TRPM1: variants seen among roughly 807,000 people sequenced by gnomAD.
TRPM1 encodes the protein transient receptor potential cation channel subfamily M member 1.
Under a neutral mutation model 149.4 loss-of-function variants are expected in TRPM1, and 113 were observed. That is an observed-to-expected ratio of 0.76 (90% CI 0.65 to 0.88). TRPM1 has a LOEUF of 0.88. Ranked by LOEUF, TRPM1 falls within the 40% of genes least tolerant of loss-of-function variation. The pLI is 0.00. For synonymous variants in TRPM1, 741 were observed against 759.5 expected (o/e 0.98, Z 0.40); for missense variants, 1,976 against 2,038.7 (o/e 0.97, Z 0.59).
intron 27 of TRPM1, among the ~76,000 whole-genome samples, chr15:31,010,551 A>G (rs948730174): frequency 2.6e-5 from 4 of 152,136 alleles, no homozygotes; most frequent in Admixed American, 2.0e-4. Context: ...TTAAGAGTGT[A>G]TTGTTTAATT....
At chr15:31,120,434 A>C (rs1055282954) in intron 1 of TRPM1, among the ~76,000 whole-genome samples, 4 of 152,240 alleles carry the variant, frequency 2.6e-5, no homozygotes, top group Non-Finnish European at 5.9e-5. Flanking sequence ...GGAGAAATAT[A>C]AAAATCCACT....
chr15:31,050,120 T>C (rs1006409422), intron 12 of TRPM1, among the ~76,000 whole-genome samples: 4 of 152,246 alleles, frequency 2.6e-5, no homozygotes, highest in Admixed American at 2.6e-4. Flanking sequence ...GCATCAAGCA[T>C]TGGCATGTCT....
At chr15:31,069,937 G>A (rs1243262539) in intron 4 of TRPM1, 94 bp downstream of exon 4, 2 of 1,611,926 alleles carry the variant, frequency 1.2e-6, no homozygotes, top group Non-Finnish European at 1.7e-6. Context: ...CCACAGCCAT[G>A]AAGAAGACCA....
chr15:31,020,164 A>G (rs933655700), intron 27 of TRPM1, among the ~76,000 whole-genome samples: 11 of 152,240 alleles, frequency 7.2e-5, no homozygotes, highest in African/African-American at 2.4e-5. Flanking sequence ...TTTTCTATTC[A>G]GGCCAGATTC....
intron 11 of TRPM1, among the ~76,000 whole-genome samples, chr15:31,056,396 T>C (rs568543346): frequency 6.6e-6 from 1 of 152,354 alleles, no homozygotes; most frequent in South Asian, 2.1e-4. Flanking sequence ...CTATTTTCAT[T>C]TGCTTGAAAT....
At chr15:31,119,881 G>A (rs959361510) in intron 1 of TRPM1, among the ~76,000 whole-genome samples, 2 of 152,132 alleles carry the variant, frequency 1.3e-5, no homozygotes. Context: ...AGAGAAGAGA[G>A]AACGTGGAAT....
chr15:31,119,196 G>T (rs913826963), intron 1 of TRPM1, among the ~76,000 whole-genome samples: 1 of 151,882 alleles, frequency 6.6e-6, no homozygotes, highest in African/African-American at 2.4e-5. Context: ...AGCCAAAATC[G>T]CACCATCGCA....
chr15:31,082,975 G>T (rs1314992405), intron 1 of TRPM1, among the ~76,000 whole-genome samples: 1 of 152,106 alleles, frequency 6.6e-6, no homozygotes, highest in African/African-American at 2.4e-5. Context: ...ACACACAGGT[G>T]GGGGCGACCC....
chr15:31,016,390 T>C (rs770354122), intron 27 of TRPM1, among the ~76,000 whole-genome samples: 1 of 152,218 alleles, frequency 6.6e-6, no homozygotes, highest in Non-Finnish European at 1.5e-5. Flanking sequence ...TCTGATCAGG[T>C]TGATTATCTT....
chr15:31,148,326 T>A (rs1254624673), intron 1 of TRPM1, among the ~76,000 whole-genome samples: 1 of 152,114 alleles, frequency 6.6e-6, no homozygotes, highest in Admixed American at 6.5e-5. Flanking sequence ...TGCAATGAGG[T>A]TGCGCTCACA....
intron 1 of TRPM1, among the ~76,000 whole-genome samples, chr15:31,093,326 A>AG (rs887633978): frequency 6.6e-6 from 1 of 151,606 alleles, no homozygotes; most frequent in African/African-American, 2.4e-5. Context: ...AAAAGCTACT[A>AG]GAGCTAATAA....
chr15:31,057,125 G>A (rs1000763161), intron 11 of TRPM1, among the ~76,000 whole-genome samples: 1 of 152,168 alleles, frequency 6.6e-6, no homozygotes, highest in Non-Finnish European at 1.5e-5. Flanking sequence ...AGGGAAGATG[G>A]GGGTAGGAAC....
intron 1 of TRPM1, among the ~76,000 whole-genome samples, chr15:31,091,145 C>T (rs2035226234): frequency 6.6e-6 from 1 of 152,212 alleles, no homozygotes; most frequent in Non-Finnish European, 1.5e-5. Context: ...TCTGCAATTC[C>T]CTCATCCATG....
chr15:31,101,034 A>T (rs1435136356), intron 1 of TRPM1, among the ~76,000 whole-genome samples: 2 of 152,198 alleles, frequency 1.3e-5, no homozygotes, highest in African/African-American at 4.8e-5. Context: ...TCCCCTCCTG[A>T]TCCTGTTCCG....
intron 27 of TRPM1, among the ~76,000 whole-genome samples, chr15:31,004,008 A>G (rs2031887386): frequency 6.6e-6 from 1 of 152,206 alleles, no homozygotes; most frequent in Admixed American, 6.5e-5. Flanking sequence ...GAGGCAAGGT[A>G]TGCCCAGGAT....
intron 27 of TRPM1, among the ~76,000 whole-genome samples, chr15:31,021,475 C>T (rs1315320623): frequency 1.3e-5 from 2 of 152,092 alleles, no homozygotes; most frequent in African/African-American, 2.4e-5. Context: ...GCGGGAGGAC[C>T]GCTTGAGGCC....
At chr15:31,097,610 G>A (rs1056572292) in intron 1 of TRPM1, among the ~76,000 whole-genome samples, 22 of 152,112 alleles carry the variant, frequency 1.4e-4, no homozygotes, top group African/African-American at 4.1e-4. Flanking sequence ...AATTAACGAC[G>A]TACCAAATCA....
chr15:31,092,000 G>A (rs1284770691), intron 1 of TRPM1, among the ~76,000 whole-genome samples: 1 of 151,938 alleles, frequency 6.6e-6, no homozygotes, highest in Admixed American at 6.6e-5. Context: ...ATGTCAAGGG[G>A]ACTCAGCCCT....
At chr15:31,098,361 C>T (rs1479003177) in intron 1 of TRPM1, among the ~76,000 whole-genome samples, 1 of 151,988 alleles carries the variant, frequency 6.6e-6, no homozygotes, top group Non-Finnish European at 1.5e-5. Context: ...ATCTGGGAGG[C>T]GGAGGTTGCG....
Sources: allele counts gnomAD v4.1 joint callset (sites outside exome capture counted in the v4.1 genomes callset), GRCh38; gene constraint gnomAD v4.1.1; transcripts MANE v1.5; gene names NCBI Gene and HGNC (gene_info 2026-07-23, HGNC 2026-07-21).